PIWIL4: variants seen among roughly 807,000 people sequenced by gnomAD.
PIWIL4 encodes piwi like RNA-mediated gene silencing 4.
A neutral mutation model predicts 100.9 loss-of-function variants in PIWIL4; 50 were observed. The observed-to-expected ratio is 0.50, with a 90% CI of 0.39 to 0.63. PIWIL4 has a LOEUF of 0.63. Ranked by LOEUF, PIWIL4 falls within the 20% of genes least tolerant of loss-of-function variation. The pLI is 0.00. For synonymous variants in PIWIL4, 342 were observed against 367.5 expected (o/e 0.93, Z 0.79); for missense variants, 887 against 1,043.3 (o/e 0.85, Z 2.06).
intron 15 of PIWIL4, among the ~76,000 whole-genome samples, chr11:94,612,745 T>A (rs1048933878): frequency 6.6e-6 from 1 of 152,166 alleles, no homozygotes; most frequent in African/African-American, 2.4e-5. Context: ...GAGTCTTACA[T>A]AAAACATCTT....
chr11:94,589,186 A>T lies in PIWIL4; in HGVS notation c.980A>T (p.Gln327Leu), dbSNP rs11020845. The change falls in exon 8 of 20, where the codon CAG (glutamine) becomes CTG (leucine). Residue 327 changes from glutamine to leucine, a missense_variant. Coordinates refer to ENST00000299001, the MANE Select transcript of PIWIL4 (RefSeq NM_152431.3). ...TCAGTGAAGCCCACACACACCTTTC[A>T]GAAGCGGGATGGCACCGAGATCACC... ...DWSVKPTHTFQKRDGTEITYV... is the reference protein window; with the variant it reads ...DWSVKPTHTFLKRDGTEITYV... 411,290 of 1,610,232 alleles carry T rather than the reference A, an allele frequency of 0.26. 55,127 individuals carry two copies. Among genetic ancestry groups the T allele is most frequent in the Non-Finnish European group, 0.28 (325,024 of 1,176,904 alleles).
chr11:94,606,631 G>T (rs1255305456), intron 13 of PIWIL4, among the ~76,000 whole-genome samples: 2 of 152,136 alleles, frequency 1.3e-5, no homozygotes, highest in African/African-American at 4.8e-5. Context: ...TCAGGCATTT[G>T]AGTCCAGCCT....
intron 11 of PIWIL4, among the ~76,000 whole-genome samples, chr11:94,598,717 T>TTTC (rs1340172224): frequency 6.7e-6 from 1 of 149,234 alleles, no homozygotes; most frequent in African/African-American, 2.5e-5. Flanking sequence ...TTTTTTTTTT[T>TTTC]TTTTTTTTTG....
chr11:94,600,321 C>T (rs1056905071), intron 11 of PIWIL4, among the ~76,000 whole-genome samples: 6 of 152,060 alleles, frequency 3.9e-5, no homozygotes, highest in South Asian at 4.2e-4. Context: ...CCTTAAGCAT[C>T]GGCTGGTTTG....
At chr11:94,585,333 G>A (rs1948383899) in intron 5 of PIWIL4, 112 bp from the exon 6 acceptor site, 1 of 663,472 alleles carries the variant, frequency 1.5e-6, no homozygotes, top group Non-Finnish European at 2.5e-6. Context: ...GTGAGAATGA[G>A]AGGTCTGTAT....
intron 1 of PIWIL4, among the ~76,000 whole-genome samples, chr11:94,568,507 T>C (rs924152966): frequency 6.6e-6 from 1 of 152,174 alleles, no homozygotes; most frequent in Non-Finnish European, 1.5e-5. Context: ...CTGGCGACAG[T>C]TGGTACTAAA....
rs1948689111 is a variant in PIWIL4, at chr11:94,604,462, T to C, written c.1638+406T>C. On this transcript the variant is annotated intron_variant, in intron 13 of 19. Transcript: ENST00000299001. ...GCCCCAAATTCCTGCTTCCTGTGAA[T>C]TCTTGCCACCTTCTGTGCATTTCAG... Among the ~76,000 whole-genome samples the C allele has an allele frequency of 2.0e-5, 3 of 152,190 alleles. No individual in the cohort carries two copies. The South Asian group carries it at 6.2e-4, about 31-fold the overall frequency.
At position 94,567,588 on chromosome 11, in the gene PIWIL4, A is replaced by G; in HGVS notation, c.70A>G (p.Ile24Val). Residue 24 changes from isoleucine to valine, a missense_variant, in exon 1 of 20, where the codon ATC (isoleucine) becomes GTC (valine). Ile to Val is a conservative substitution (Grantham distance 29). Transcript: ENST00000299001. ...RSPSATEVGRIQASPLPRSVD... is the reference protein window; with the variant it reads ...RSPSATEVGRVQASPLPRSVD... ...CCCCAGTGCCACAGAAGTGGGGCGC[A>G]TCCAAGCCTCGCCATTGGTGTGTAG... 2 of 1,605,664 alleles carry G rather than the reference A, an allele frequency of 1.2e-6. No homozygotes were observed. Among genetic ancestry groups the G allele is most frequent in the Admixed American group, 1.7e-5 (1 of 59,174 alleles).
intron 15 of PIWIL4, among the ~76,000 whole-genome samples, chr11:94,611,026 ACTTT>A (rs1948782876): frequency 6.6e-6 from 1 of 152,044 alleles, no homozygotes; most frequent in Non-Finnish European, 1.5e-5. Context: ...TATTGAAGAG[ACTTT>A]CTTTATCCCA....
chr11:94,577,435 C>A lies in PIWIL4; in HGVS notation c.456C>A (p.Asn152Lys), dbSNP rs955736975. ...ALLYSHSELS[N>K]KAKAFDGAIL... ...TTTATAGTCATAGTGAACTTTCCAA[C>A]AAAGCAAAAGCATTCGACGGTGCCA... Residue 152 changes from asparagine (N) to lysine (K), a missense_variant, in exon 4 of 20, where the codon AAC (asparagine) becomes AAA (lysine). This residue lies in a region of PIWIL4 where 741 missense variants were observed against 930.0 expected (regional missense o/e 0.80). Coordinates refer to ENST00000299001, the MANE Select transcript of PIWIL4 (RefSeq NM_152431.3). 3 of 1,613,814 alleles carry A rather than the reference C, an allele frequency of 1.9e-6. No individual in the cohort carries two copies. Among genetic ancestry groups the A allele is most frequent in the Non-Finnish European group, 2.5e-6 (3 of 1,179,972 alleles).
intron 15 of PIWIL4, among the ~76,000 whole-genome samples, chr11:94,613,501 C>T (rs1948809623): frequency 6.6e-6 from 1 of 152,166 alleles, no homozygotes; most frequent in African/African-American, 2.4e-5. Flanking sequence ...TATCTCTTTC[C>T]AGATTCAAGA....
At position 94,583,456 on chromosome 11, in the gene PIWIL4, G is replaced by A. The variant is rs766847854; in HGVS notation, c.522G>A (p.Glu174=). ...GTACCTCTTTTTCCCAGGTCACAGA[G>A]TTGTCAAGTGAAACTCAAAGAGGTG... ...LSQKLEEKVT[E]LSSETQRGET... The change falls in exon 5 of 20, where the codon GAG becomes GAA. Residue 174 remains glutamate (E), a synonymous_variant. Coordinates refer to ENST00000299001, the MANE Select transcript of PIWIL4 (RefSeq NM_152431.3). 4 of 1,613,758 alleles carry A rather than the reference G, an allele frequency of 2.5e-6. No homozygotes were observed.
In PIWIL4 at chr11:94,583,524, C is replaced by T; in HGVS notation, c.590C>T (p.Ser197Leu). The change falls in exon 5 of 20, where the codon TCA (serine) becomes TTA (leucine). Residue 197 changes from serine (S) to leucine (L), a missense_variant. By Grantham distance (145) the Ser-to-Leu change is moderately radical. Coordinates refer to ENST00000299001, the MANE Select transcript of PIWIL4 (RefSeq NM_152431.3). ...ATCACCCTGAAGAGGGAGCTGCCAT[C>T]AAGTTCTCCCGTGTGCATCCAGGTC... ...MTITLKRELP[S>L]SSPVCIQVFN... The T allele has an allele frequency of 6.2e-7, 1 of 1,614,016 alleles. No homozygotes were observed. Among genetic ancestry groups the T allele is most frequent in the African/African-American group, 1.3e-5 (1 of 75,040 alleles).
chr11:94,587,341 A>C, intron 7 of PIWIL4, 94 bp downstream of exon 7: 1 of 1,269,782 alleles, frequency 7.9e-7, no homozygotes, highest in Non-Finnish European at 1.1e-6. Flanking sequence ...GCCCAATATC[A>C]CAGATCTAAT....
rs1269035370 is a variant in PIWIL4 at position 94,567,666 on chromosome 11, C to G, written c.87+61C>G. 4.1e-6 allele frequency: 6 copies of G among 1,467,230 alleles called. 1 individual carries two copies. In the South Asian group the frequency reaches 6.9e-5, roughly 17 times the overall value. 90.9% of individuals were successfully genotyped at this position (1,467,230 alleles called of 1,614,324 possible). A position where few individuals can be genotyped will look rare whatever the true frequency, so the allele number is the denominator to read the frequency against. ...CTCCTACCTCTGTCTCTAGCCTGAA[C>G]AATGCCTTCCTCTGCATGTATCTCC... On this transcript the variant is annotated intron_variant, in intron 1 of 19. Coordinates refer to ENST00000299001, the MANE Select transcript of PIWIL4 (RefSeq NM_152431.3).
chr11:94,611,940 TATA>T (rs35184216), intron 15 of PIWIL4, among the ~76,000 whole-genome samples: 46,249 of 151,970 alleles, frequency 0.3, 7,384 homozygotes, highest in East Asian at 0.36. Flanking sequence ...AACAGATTGA[TATA>T]ATTTCAGTCT....
intron 15 of PIWIL4, among the ~76,000 whole-genome samples, chr11:94,615,730 T>A (rs1167139805): frequency 6.6e-6 from 1 of 152,174 alleles, no homozygotes; most frequent in Admixed American, 6.5e-5. Flanking sequence ...CTTGAACTCA[T>A]GGGCTCAAGC....
chr11:94,619,924 C>A (rs750036951), intron 18 of PIWIL4, 39 bp downstream of exon 18: 7 of 1,613,928 alleles, frequency 4.3e-6, no homozygotes, highest in South Asian at 1.1e-5. Flanking sequence ...ACAAAACATT[C>A]ATTGCGTCCA....
Position 94,602,157 on chromosome 11 carries a change from A to G in PIWIL4, c.1565+178A>G, listed in dbSNP as rs114585241. On this transcript the variant is annotated intron_variant, in intron 12 of 19. Transcript: ENST00000299001. Reference sequence around the variant, plus strand: ...GACTAAACTTTTATAAAGTTAGAATATATTTTATGTTGGCCTTTGTAAAAC... The same window carrying G: ...GACTAAACTTTTATAAAGTTAGAATGTATTTTATGTTGGCCTTTGTAAAAC... Among the ~76,000 whole-genome samples the G allele has an allele frequency of 7.0e-3, 1,064 of 152,350 alleles. 17 individuals are homozygous for G. Among genetic ancestry groups the G allele is most frequent in the African/African-American group, 0.024 (997 of 41,588 alleles).
Sources: gnomAD v4.1 joint callset for allele counts (sites outside exome capture counted in the v4.1 genomes callset) on GRCh38, gnomAD v4.1.1 for gene constraint, gnomAD v4.1.1 regional missense constraint, MANE v1.5 for transcripts, NCBI Gene and HGNC (gene_info 2026-07-23, HGNC 2026-07-21) for gene names.